Variants in DPP6 observed in about 807,000 individuals in gnomAD.
DPP6 encodes the protein dipeptidyl peptidase like 6, also known as A-type potassium channel modulatory protein DPP6.
Under a neutral mutation model 122.6 loss-of-function variants are expected in DPP6, and 69 were observed. That is an observed-to-expected ratio of 0.56 (90% CI 0.46 to 0.69). The LOEUF is 0.69. Ranked by LOEUF, DPP6 falls within the 30% of genes least tolerant of loss-of-function variation. DPP6 has a pLI of 0.00. For missense variants in DPP6, 928 were observed against 1,116.9 expected, an observed-to-expected ratio of 0.83 and a Z score of 2.41; for synonymous variants, 418 against 433.1, an observed-to-expected ratio of 0.97 and a Z score of 0.43.
intron 1 of DPP6, among the ~76,000 whole-genome samples, chr7:153,919,370 G>A (rs995056954): frequency 3.9e-5 from 6 of 152,184 alleles, no homozygotes; most frequent in African/African-American, 1.4e-4. Flanking sequence ...GACAAGACCA[G>A]AGGGCCTGAA....
chr7:153,799,507 C>T, the DPP6 span, among the ~76,000 whole-genome samples: 1 of 152,134 alleles, frequency 6.6e-6, no homozygotes, highest in East Asian at 1.9e-4. Context: ...GGAGAGCTTG[C>T]ACCGCCTCCA....
chr7:153,958,142 C>A (rs560341927), intron 1 of DPP6, among the ~76,000 whole-genome samples: 1 of 152,002 alleles, frequency 6.6e-6, no homozygotes, highest in Non-Finnish European at 1.5e-5. Context: ...CCAGCCTGGG[C>A]GACGGAGTGA....
the DPP6 span, among the ~76,000 whole-genome samples, chr7:153,769,189 G>T: frequency 2.0e-5 from 3 of 152,078 alleles, no homozygotes; most frequent in Non-Finnish European, 4.4e-5. Flanking sequence ...ACATGAGATT[G>T]TGGTGTCCAC....
At chr7:153,897,771 T>C (rs1009567298) in intron 1 of DPP6, among the ~76,000 whole-genome samples, 1 of 152,228 alleles carries the variant, frequency 6.6e-6, no homozygotes, top group African/African-American at 2.4e-5. Flanking sequence ...TTCCTATTTA[T>C]TGTTGTTGAT....
At chr7:153,988,875 A>G (rs1442591016) in intron 1 of DPP6, among the ~76,000 whole-genome samples, 1 of 150,308 alleles carries the variant, frequency 6.7e-6, no homozygotes, top group Non-Finnish European at 1.5e-5. Context: ...AGAGTCAGCG[A>G]AAGCTGGGAG....
chr7:153,945,663 G>A (rs1187707883), intron 1 of DPP6, among the ~76,000 whole-genome samples: 1 of 152,130 alleles, frequency 6.6e-6, no homozygotes, highest in Non-Finnish European at 1.5e-5. Context: ...ACAAGTAAAG[G>A]TCTTATTCAT....
chr7:153,929,696 T>C (rs1239614542), intron 1 of DPP6, among the ~76,000 whole-genome samples: 3 of 152,220 alleles, frequency 2.0e-5, no homozygotes, highest in Non-Finnish European at 4.4e-5. Flanking sequence ...AGTGCCGTAC[T>C]GCACACTTGT....
intron 1 of DPP6, among the ~76,000 whole-genome samples, chr7:154,079,789 C>G (rs1362821379): frequency 2.6e-5 from 4 of 151,990 alleles, no homozygotes; most frequent in Admixed American, 2.6e-4. Flanking sequence ...TTCGATGTTC[C>G]TGGCCCACCT....
At chr7:153,948,061 G>C (rs533922275) in intron 1 of DPP6, among the ~76,000 whole-genome samples, 2 of 152,258 alleles carry the variant, frequency 1.3e-5, no homozygotes, top group East Asian at 3.9e-4. Context: ...TGGTAACCTA[G>C]TTGCCTTTGG....
chr7:154,364,765 C>T (rs1812013549), intron 1 of DPP6, among the ~76,000 whole-genome samples: 2 of 152,180 alleles, frequency 1.3e-5, no homozygotes, highest in Non-Finnish European at 1.5e-5. Context: ...TTCTGCACCT[C>T]GAGATTGACT....
chr7:154,256,961 C>T lies in DPP6; in HGVS notation c.244-189253C>T, dbSNP rs184848777. On this transcript the variant is annotated intron_variant, in intron 1 of 25. Transcript: ENST00000377770. ...TTTAGAGTGACAGCATGAAATACCCCCTTGGGTTCTTTTTTCTTTTTCTTT... is the reference window on the plus strand; with the variant it reads ...TTTAGAGTGACAGCATGAAATACCCTCTTGGGTTCTTTTTTCTTTTTCTTT... Among the ~76,000 whole-genome samples, 620 of 151,740 alleles carry T rather than the reference C, an allele frequency of 4.1e-3. 4 individuals are homozygous for T. Among genetic ancestry groups the T allele is most frequent in the Middle Eastern group, 0.01 (3 of 292 alleles).
chr7:154,274,463 C>T (rs994862575), intron 1 of DPP6, among the ~76,000 whole-genome samples: 2 of 152,150 alleles, frequency 1.3e-5, no homozygotes, highest in African/African-American at 4.8e-5. Context: ...GATCCATACA[C>T]CCGCCCCTGC....
At chr7:154,015,098 C>T (rs1196204169) in intron 1 of DPP6, among the ~76,000 whole-genome samples, 1 of 152,090 alleles carries the variant, frequency 6.6e-6, no homozygotes, top group Admixed American at 6.5e-5. Context: ...TGGTGGTTCT[C>T]AAACCCAAGG....
the DPP6 span, among the ~76,000 whole-genome samples, chr7:153,780,532 T>C: frequency 1.3e-5 from 2 of 152,216 alleles, no homozygotes; most frequent in Non-Finnish European, 2.9e-5. Flanking sequence ...AACAAGTATT[T>C]ATTGTACACC....
At chr7:154,178,015 A>C (rs1192423543) in intron 1 of DPP6, among the ~76,000 whole-genome samples, 1 of 152,118 alleles carries the variant, frequency 6.6e-6, no homozygotes, top group East Asian at 1.9e-4. Context: ...AAGCCAACCC[A>C]CTGGTCACTG....
intron 6 of DPP6, among the ~76,000 whole-genome samples, chr7:154,656,239 C>CCTGAACATCAA (rs1837232318): frequency 2.2e-5 from 1 of 45,936 alleles, no homozygotes; most frequent in Non-Finnish European, 4.4e-5. Flanking sequence ...AAGGGGCAGT[C>CCTGAACATCAA]GAGAGGGAGG....
chr7:154,568,346 G>A (rs1196902734), intron 5 of DPP6, among the ~76,000 whole-genome samples: 2 of 152,242 alleles, frequency 1.3e-5, no homozygotes, highest in Non-Finnish European at 2.9e-5. Context: ...ACACCTGAGT[G>A]AGAAAAGCCT....
intron 1 of DPP6, among the ~76,000 whole-genome samples, chr7:154,071,853 A>G (rs1193603501): frequency 1.3e-5 from 2 of 152,156 alleles, no homozygotes; most frequent in African/African-American, 2.4e-5. Flanking sequence ...TCTTTCTTCA[A>G]CTTCCCTCTG....
At chr7:154,339,965 C>A (rs1367314914) in intron 1 of DPP6, among the ~76,000 whole-genome samples, 2 of 151,970 alleles carry the variant, frequency 1.3e-5, no homozygotes, top group Non-Finnish European at 2.9e-5. Flanking sequence ...TCCAGCTACT[C>A]GGGAGGCTGA....
Sources: allele counts gnomAD v4.1 joint callset (sites outside exome capture counted in the v4.1 genomes callset), GRCh38; gene constraint gnomAD v4.1.1; transcripts MANE v1.5; gene names NCBI Gene and HGNC (gene_info 2026-07-23, HGNC 2026-07-21).